The following ASH1L variants were observed in gnomAD, a reference collection of about 807,000 sequenced individuals.
ASH1L encodes the protein ASH1 like histone lysine methyltransferase, also known as histone-lysine N-methyltransferase ASH1L.
In ASH1L, 23 loss-of-function variants were observed where a neutral mutation model predicts 269.0. The observed-to-expected ratio is 0.09, with a 90% CI of 0.06 to 0.12. The LOEUF (loss-of-function observed/expected upper bound fraction) is 0.12, where lower values mean the gene tolerates loss of function less well. ASH1L is among the 10% of genes least tolerant of loss of function. The pLI is 1.00. For synonymous variants in ASH1L, 1,187 were observed against 1,253.5 expected, an observed-to-expected ratio of 0.95 and a Z score of 1.12; for missense variants, 2,912 against 3,567.8, an observed-to-expected ratio of 0.82 and a Z score of 4.68.
intron 10 of ASH1L, among the ~76,000 whole-genome samples, chr1:155,375,004 G>A (rs1656307159): frequency 6.6e-6 from 1 of 151,930 alleles, no homozygotes; most frequent in East Asian, 1.9e-4. Context: ...TGTAGAGGTG[G>A]GGTTTTGCCA....
At chr1:155,341,179 ATT>A (rs1031244574) in intron 25 of ASH1L, among the ~76,000 whole-genome samples, 8 of 92,200 alleles carry the variant, frequency 8.7e-5, no homozygotes, top group Middle Eastern at 0.01. Context: ...AATGTTCACA[ATT>A]TTTTTTTTTT....
intron 5 of ASH1L, among the ~76,000 whole-genome samples, chr1:155,422,964 T>C (rs1186452921): frequency 1.3e-5 from 2 of 148,984 alleles, no homozygotes; most frequent in East Asian, 4.0e-4. Context: ...TTTTTTTTTT[T>C]TCAGACGGAG....
chr1:155,390,558 C>A (rs1657827644), intron 7 of ASH1L, among the ~76,000 whole-genome samples: 1 of 151,890 alleles, frequency 6.6e-6, no homozygotes. Flanking sequence ...ATTCTAAAGA[C>A]TTCTGCAGAA....
chr1:155,378,754 A>G (rs1439889560), intron 8 of ASH1L, among the ~76,000 whole-genome samples: 3 of 152,240 alleles, frequency 2.0e-5, no homozygotes, highest in Non-Finnish European at 2.9e-5. Context: ...ATAAGATTCA[A>G]CAGAAGAAGC....
At chr1:155,491,286 A>AT (rs1553267932) in intron 2 of ASH1L, among the ~76,000 whole-genome samples, 2 of 152,174 alleles carry the variant, frequency 1.3e-5, no homozygotes, top group Non-Finnish European at 1.5e-5. Context: ...GGTTTTAAAA[A>AT]TTTTTATTAA....
intron 4 of ASH1L, among the ~76,000 whole-genome samples, chr1:155,453,023 G>C (rs1041966316): frequency 6.6e-6 from 1 of 152,136 alleles, no homozygotes; most frequent in East Asian, 1.9e-4. Context: ...TGCAAGGAGG[G>C]CCTAGTAGCC....
chr1:155,381,342 C>G (rs950810191), intron 7 of ASH1L, among the ~76,000 whole-genome samples: 1 of 151,038 alleles, frequency 6.6e-6, no homozygotes, highest in Non-Finnish European at 1.5e-5. Flanking sequence ...ATCACGAGGT[C>G]AGGCATTAGA....
chr1:155,531,517 C>T (rs72995165), intron 1 of ASH1L, among the ~76,000 whole-genome samples: 8,860 of 151,764 alleles, frequency 0.058, 879 homozygotes, highest in African/African-American at 0.21. Flanking sequence ...AGAGAAAGGT[C>T]TGACAGAAAC....
intron 2 of ASH1L, among the ~76,000 whole-genome samples, chr1:155,504,710 C>G (rs1042084556): frequency 9.2e-5 from 14 of 151,986 alleles, no homozygotes; most frequent in Admixed American, 7.2e-4. Context: ...AAAAATTAGC[C>G]AGGCATGGTG....
intron 10 of ASH1L, among the ~76,000 whole-genome samples, chr1:155,376,665 G>A (rs530185598): frequency 1.5e-4 from 22 of 150,752 alleles, no homozygotes; most frequent in Non-Finnish European, 2.1e-4. Flanking sequence ...GCGACAGAGC[G>A]CGACTCTGTC....
At chr1:155,433,701 T>C in intron 5 of ASH1L, 1 of 1,599,840 alleles carries the variant, frequency 6.3e-7, no homozygotes, top group Non-Finnish European at 8.5e-7. Context: ...CTGGGGGTTC[T>C]ATTTGGGAAG....
intron 1 of ASH1L, among the ~76,000 whole-genome samples, chr1:155,556,048 T>C (rs1189181393): frequency 1.3e-5 from 2 of 152,292 alleles, no homozygotes; most frequent in Admixed American, 6.5e-5. Flanking sequence ...CTCATTATAC[T>C]ATTCTCTTTA....
chr1:155,519,695 AT>A (rs1279622918), intron 2 of ASH1L, among the ~76,000 whole-genome samples: 1 of 151,920 alleles, frequency 6.6e-6, no homozygotes, highest in Non-Finnish European at 1.5e-5. Context: ...TTTCGCTTTC[AT>A]TGCCCAGGCT....
Position 155,438,383 on chromosome 1 carries a change from C to G in ASH1L, c.5772G>C (p.Gln1924His). 1 of 1,600,678 alleles carries G rather than the reference C, an allele frequency of 6.2e-7. No homozygotes were observed. The highest frequency in any genetic ancestry group is 8.5e-7 in the Non-Finnish European group (1 of 1,176,224). ...LKRKGWLLEE[Q>H]TRKKQKPLPE... Reference sequence around the variant, plus strand: ...GTAATGGCTTCTGCTTTTTTCTGGTCTGTTCTTCCAATAGCCAACCTTTTC... The same window carrying G: ...GTAATGGCTTCTGCTTTTTTCTGGTGTGTTCTTCCAATAGCCAACCTTTTC... Residue 1924 changes from glutamine to histidine, a missense_variant, in exon 5 of 28, where the codon CAG (glutamine) becomes CAC (histidine). By Grantham distance (24) the Gln-to-His change is conservative (BLOSUM62 0). Around this residue, in one of 13 missense-constraint regions of ASH1L, gnomAD observed 789 missense variants for 897.6 expected, o/e 0.88. Transcript: ENST00000392403.
At position 155,336,886 on chromosome 1, in the gene ASH1L, C is replaced by G. The variant is rs781161813; in HGVS notation, c.*774G>C. The G allele has an allele frequency of 2.0e-5, 3 of 152,236 alleles. No individual in the cohort carries two copies. The highest frequency in any genetic ancestry group is 4.4e-5 in the Non-Finnish European group (3 of 68,042). 9.4% of individuals were successfully genotyped at this position (152,236 alleles called of 1,614,324 possible). A position where few individuals can be genotyped will look rare whatever the true frequency, so the allele number is the denominator to read the frequency against. ...CACAGCAGACACACAAGAACTACAG[C>G]GCATTAAAAACAGCATGTGTGCTGG... On this transcript the variant is annotated 3_prime_UTR_variant, in exon 28 of 28. Transcript: ENST00000392403.
At chr1:155,419,726 T>C (rs75918226) in intron 5 of ASH1L, among the ~76,000 whole-genome samples, 4,098 of 152,288 alleles carry the variant, frequency 0.027, 65 homozygotes, top group Non-Finnish European at 0.041. Flanking sequence ...TTCCCTATTA[T>C]TAAGGACAAG....
At chr1:155,547,378 T>C (rs1670902655) in intron 1 of ASH1L, among the ~76,000 whole-genome samples, 1 of 151,682 alleles carries the variant, frequency 6.6e-6, no homozygotes, top group Admixed American at 6.6e-5. Flanking sequence ...CCAACCCACA[T>C]ACCCATCAAT....
chr1:155,562,943 T>TC (rs765390567), upstream of ASH1L: 125 of 428,026 alleles, frequency 2.9e-4, no homozygotes, highest in South Asian at 4.9e-4. Context: ...CCTCCCACAA[T>TC]CCCCCCCGCG....
chr1:155,514,429 C>T (rs1193060514), intron 2 of ASH1L, among the ~76,000 whole-genome samples: 1 of 152,128 alleles, frequency 6.6e-6, no homozygotes, highest in Non-Finnish European at 1.5e-5. Context: ...AGTTTTTGCA[C>T]TGTTGAAATT....
Sources: gnomAD v4.1 joint callset for allele counts (sites outside exome capture counted in the v4.1 genomes callset) on GRCh38, gnomAD v4.1.1 for gene constraint, gnomAD v4.1.1 regional missense constraint, MANE v1.5 for transcripts, NCBI Gene and HGNC (gene_info 2026-07-23, HGNC 2026-07-21) for gene names.